The following DIAPH2 variants were observed in gnomAD, a reference collection of about 807,000 sequenced individuals.
The protein encoded by DIAPH2 is diaphanous related formin 2.
DIAPH2 carries 35 observed loss-of-function variants against 92.7 expected under a neutral mutation model. The observed-to-expected ratio is 0.38, with a 90% CI of 0.29 to 0.50. DIAPH2 has a LOEUF of 0.50. Among genes scored for constraint, DIAPH2 ranks in the 20% least tolerant of loss-of-function variants. The pLI, the probability that DIAPH2 is intolerant of heterozygous loss-of-function variation, is 0.94. For synonymous variants in DIAPH2, 301 were observed against 280.4 expected (o/e 1.07, Z -0.73); for missense variants, 701 against 819.5 (o/e 0.86, Z 1.77).
At chrX:97,107,186 C>CT (rs955521486) in intron 20 of DIAPH2, among the ~76,000 whole-genome samples, 2 of 109,948 alleles carry the variant, frequency 1.8e-5, no homozygotes, top group Non-Finnish European at 3.8e-5. Flanking sequence ...TTTTCTTTTT[C>CT]TTTTTTTTCT....
chrX:97,460,654 G>A (rs1320457015), intron 26 of DIAPH2, among the ~76,000 whole-genome samples: 1 of 111,619 alleles, frequency 9.0e-6, no homozygotes, highest in Non-Finnish European at 1.9e-5. Flanking sequence ...GGGGAGGTCT[G>A]GGGACACTTG....
chrX:96,869,563 TAC>T (rs1444951828), intron 4 of DIAPH2, among the ~76,000 whole-genome samples: 4 of 98,718 alleles, frequency 4.1e-5, no homozygotes, highest in African/African-American at 1.8e-4. Context: ...CTACCACTAC[TAC>T]TACTACTACT....
chrX:97,338,932 A>ACCTG (rs1408556187), intron 23 of DIAPH2, among the ~76,000 whole-genome samples: 1 of 111,846 alleles, frequency 8.9e-6, no homozygotes, highest in Admixed American at 9.5e-5. Flanking sequence ...GGGGTATAAC[A>ACCTG]CCTGCCTTCA....
intron 3 of DIAPH2, among the ~76,000 whole-genome samples, chrX:96,741,238 G>T (rs2064117495): frequency 9.2e-6 from 1 of 108,629 alleles, no homozygotes; most frequent in Non-Finnish European, 1.9e-5. Flanking sequence ...GCCTTCTTTT[G>T]ACCCTTTCTC....
intron 22 of DIAPH2, among the ~76,000 whole-genome samples, chrX:97,245,400 A>G (rs893485072): frequency 4.5e-5 from 5 of 110,069 alleles, no homozygotes; most frequent in African/African-American, 1.7e-4. Flanking sequence ...TGCAGCCTCA[A>G]CTTTCTGTGC....
chrX:96,972,351 A>G (rs2065932883), intron 17 of DIAPH2, among the ~76,000 whole-genome samples: 1 of 112,218 alleles, frequency 8.9e-6, no homozygotes, highest in African/African-American at 3.2e-5. Context: ...TTAAATGTTT[A>G]AATATTTAAT....
chrX:96,754,923 CAAAAAAAAAAA>C (rs1007573600), intron 3 of DIAPH2, among the ~76,000 whole-genome samples: 11 of 16,004 alleles, frequency 6.9e-4, no homozygotes, highest in African/African-American at 2.3e-3. Context: ...GTCTCCACCT[CAAAAAAAAAAA>C]AAAAAAAAAA....
intron 23 of DIAPH2, among the ~76,000 whole-genome samples, chrX:97,346,447 T>C (rs986676822): frequency 9.3e-6 from 1 of 107,566 alleles, no homozygotes; most frequent in African/African-American, 3.4e-5. Context: ...TCCTCCTTTC[T>C]TGCCAGGCCA....
At chrX:97,039,872 T>A (rs776132489) in intron 17 of DIAPH2, among the ~76,000 whole-genome samples, 2 of 111,812 alleles carry the variant, frequency 1.8e-5, no homozygotes, top group East Asian at 5.6e-4. Context: ...GATCATCGTT[T>A]AAAAATCTCA....
chrX:97,430,575 G>GA (rs1193488238), intron 26 of DIAPH2, among the ~76,000 whole-genome samples: 1 of 112,259 alleles, frequency 8.9e-6, no homozygotes, highest in East Asian at 2.8e-4. Context: ...AGAAGTAAAT[G>GA]AAAAATGGAA....
At chrX:96,807,954 A>G (rs2064641946) in intron 4 of DIAPH2, among the ~76,000 whole-genome samples, 1 of 69,630 alleles carries the variant, frequency 1.4e-5, no homozygotes, top group Non-Finnish European at 3.0e-5. Context: ...CAAAAAAAAA[A>G]AAAAAAAAAA....
At chrX:97,399,043 C>T (rs777576511) in intron 25 of DIAPH2, among the ~76,000 whole-genome samples, 11 of 110,974 alleles carry the variant, frequency 9.9e-5, no homozygotes, top group African/African-American at 3.6e-4. Flanking sequence ...TGCACCCGGC[C>T]GGATGTGATT....
At chrX:97,565,977 G>C (rs951613850) in intron 26 of DIAPH2, among the ~76,000 whole-genome samples, 2 of 112,052 alleles carry the variant, frequency 1.8e-5, no homozygotes, top group Admixed American at 1.9e-4. Flanking sequence ...TCAAAGGCTT[G>C]TTTACAATGA....
intron 22 of DIAPH2, among the ~76,000 whole-genome samples, chrX:97,215,970 G>A (rs762543672): frequency 7.2e-5 from 8 of 111,766 alleles, no homozygotes; most frequent in Middle Eastern, 4.6e-3. Flanking sequence ...TCCTTTATTC[G>A]TGTGTCCGTT....
chrX:97,321,544 A>ATTTTTTTT (rs72265655), intron 23 of DIAPH2, among the ~76,000 whole-genome samples: 2 of 48,405 alleles, frequency 4.1e-5, no homozygotes, highest in Non-Finnish European at 7.3e-5. Context: ...TTGTGTTGTT[A>ATTTTTTTT]TTTTTTTTTT....
chrX:97,561,478 C>T (rs1394660089), intron 26 of DIAPH2, among the ~76,000 whole-genome samples: 1 of 112,187 alleles, frequency 8.9e-6, no homozygotes, highest in African/African-American at 3.2e-5. Context: ...TGAAAATATC[C>T]ATTTTGACAC....
At chrX:97,117,058 A>G (rs1602352965) in intron 21 of DIAPH2, among the ~76,000 whole-genome samples, 1 of 111,845 alleles carries the variant, frequency 8.9e-6, no homozygotes, top group African/African-American at 3.2e-5. Flanking sequence ...TCATGTAGCA[A>G]TAGGTGTTCC....
chrX:97,340,372 T>C (rs1325814335), intron 23 of DIAPH2, among the ~76,000 whole-genome samples: 1 of 111,631 alleles, frequency 9.0e-6, no homozygotes, highest in Non-Finnish European at 1.9e-5. Context: ...CATAATGGTC[T>C]ACAATACACT....
intron 22 of DIAPH2, among the ~76,000 whole-genome samples, chrX:97,152,019 G>C (rs1299025853): frequency 9.0e-6 from 1 of 111,579 alleles, no homozygotes; most frequent in Non-Finnish European, 1.9e-5. Flanking sequence ...GCCCTGAATG[G>C]AGACTCCCTT....
Sources: gnomAD v4.1 joint callset for allele counts (sites outside exome capture counted in the v4.1 genomes callset) on GRCh38, gnomAD v4.1.1 for gene constraint, MANE v1.5 for transcripts, NCBI Gene and HGNC (gene_info 2026-07-23, HGNC 2026-07-21) for gene names.